SOX5: variants seen among roughly 807,000 people sequenced by gnomAD.
SOX5 encodes the protein transcription factor SOX-5.
In SOX5, 9 loss-of-function variants were observed where a neutral mutation model predicts 92.0. That is an observed-to-expected ratio of 0.10 (90% CI 0.06 to 0.17). The LOEUF (loss-of-function observed/expected upper bound fraction) is 0.17, where lower values mean the gene tolerates loss of function less well. Among genes scored for constraint, SOX5 ranks in the 10% least tolerant of loss-of-function variants. The pLI is 1.00. For missense variants in SOX5, 642 were observed against 944.5 expected (o/e 0.68, Z 4.20); for synonymous variants, 344 against 336.3 (o/e 1.02, Z -0.25).
intron 3 of SOX5, among the ~76,000 whole-genome samples, chr12:23,837,245 A>T (rs1400620886): frequency 1.3e-5 from 1 of 77,996 alleles, no homozygotes; most frequent in Non-Finnish European, 3.1e-5. Context: ...TTTATATAAT[A>T]TATATTTATA....
intron 2 of SOX5, among the ~76,000 whole-genome samples, chr12:24,310,548 A>G (rs1445170017): frequency 2.0e-5 from 3 of 152,208 alleles, no homozygotes; most frequent in African/African-American, 7.2e-5. Flanking sequence ...TTTATACATG[A>G]GCCCATCCTA....
chr12:23,874,425 T>C (rs1227043524), intron 2 of SOX5, among the ~76,000 whole-genome samples: 1 of 152,184 alleles, frequency 6.6e-6, no homozygotes, highest in Non-Finnish European at 1.5e-5. Context: ...TTGGTGCTCT[T>C]AGAAATCTCT....
intron 4 of SOX5, among the ~76,000 whole-genome samples, chr12:24,177,802 T>C (rs1954991310): frequency 8.2e-6 from 1 of 121,472 alleles, no homozygotes; most frequent in Non-Finnish European, 1.8e-5. Context: ...TTAATAACAC[T>C]CACAGGGTCA....
chr12:24,144,315 C>G (rs1950864952), intron 4 of SOX5, among the ~76,000 whole-genome samples: 2 of 152,062 alleles, frequency 1.3e-5, no homozygotes, highest in African/African-American at 4.8e-5. Context: ...GTCCTTTAAG[C>G]AGAAGATAAT....
chr12:23,690,146 T>C (rs576469912), intron 6 of SOX5, among the ~76,000 whole-genome samples: 3 of 152,308 alleles, frequency 2.0e-5, no homozygotes, highest in East Asian at 1.9e-4. Flanking sequence ...CCCTGAGTCC[T>C]TATTCATGCC....
intron 1 of SOX5, among the ~76,000 whole-genome samples, chr12:23,916,645 A>G (rs2097420423): frequency 6.6e-6 from 1 of 152,224 alleles, no homozygotes; most frequent in Admixed American, 6.5e-5. Flanking sequence ...TTATACTTCA[A>G]TGTTACCAAT....
intron 1 of SOX5, among the ~76,000 whole-genome samples, chr12:23,934,716 T>C (rs1942184637): frequency 6.6e-6 from 1 of 151,248 alleles, no homozygotes. Context: ...TTAACATCTG[T>C]TAAAGAATAA....
At chr12:23,952,742 A>G (rs1201727845), upstream of SOX5, among the ~76,000 whole-genome samples, 2 of 152,182 alleles carry the variant, frequency 1.3e-5, no homozygotes, top group Non-Finnish European at 2.9e-5. Context: ...CTCTAAGATC[A>G]TAAGGAATTT....
chr12:23,765,810 A>G (rs1400119021), intron 3 of SOX5, among the ~76,000 whole-genome samples: 2 of 152,090 alleles, frequency 1.3e-5, no homozygotes, highest in South Asian at 2.1e-4. Flanking sequence ...ACAGACACAA[A>G]TGATCAAGAG....
intron 3 of SOX5, among the ~76,000 whole-genome samples, chr12:23,799,483 T>C (rs1305234539): frequency 1.3e-5 from 2 of 152,028 alleles, no homozygotes; most frequent in African/African-American, 2.4e-5. Flanking sequence ...CTACCCATAG[T>C]GACTATAAAA....
At chr12:24,327,016 G>C (rs1045754253) in intron 2 of SOX5, among the ~76,000 whole-genome samples, 1 of 152,130 alleles carries the variant, frequency 6.6e-6, no homozygotes, top group Non-Finnish European at 1.5e-5. Context: ...CACAGTAGGT[G>C]CTCAATAAAT....
At chr12:24,538,010 C>T (rs1951789516) in intron 1 of SOX5, among the ~76,000 whole-genome samples, 1 of 152,284 alleles carries the variant, frequency 6.6e-6, no homozygotes, top group South Asian at 2.1e-4. Context: ...AGGAATACCA[C>T]CTTCTAAAAT....
intron 4 of SOX5, among the ~76,000 whole-genome samples, chr12:24,194,884 T>A (rs1042316867): frequency 6.6e-6 from 1 of 152,202 alleles, no homozygotes; most frequent in African/African-American, 2.4e-5. Context: ...ACCCAGAAAT[T>A]GGATTAATCA....
At chr12:23,950,858 G>T, upstream of SOX5, 1 of 1,535,102 alleles carries the variant, frequency 6.5e-7, no homozygotes, top group South Asian at 1.2e-5. Flanking sequence ...CACAGAGAGA[G>T]AGACACTTAC....
At chr12:24,524,702 T>G (rs1052620957) in intron 1 of SOX5, among the ~76,000 whole-genome samples, 1 of 152,096 alleles carries the variant, frequency 6.6e-6, no homozygotes, top group Non-Finnish European at 1.5e-5. Flanking sequence ...ATTAGAACTT[T>G]TGTACACTGT....
chr12:24,381,525 C>T (rs1957821996), intron 1 of SOX5, among the ~76,000 whole-genome samples: 1 of 152,172 alleles, frequency 6.6e-6, no homozygotes, highest in African/African-American at 2.4e-5. Flanking sequence ...CACGTATTCC[C>T]ACCTTATAGC....
chr12:24,559,677 C>T (rs1229538143), intron 1 of SOX5, among the ~76,000 whole-genome samples: 2 of 152,084 alleles, frequency 1.3e-5, no homozygotes, highest in Non-Finnish European at 1.5e-5. Context: ...CCTTATCACT[C>T]ATAACTCACC....
chr12:24,280,163 G>A (rs1944989572), intron 2 of SOX5, among the ~76,000 whole-genome samples: 1 of 152,232 alleles, frequency 6.6e-6, no homozygotes, highest in Admixed American at 6.5e-5. Flanking sequence ...CTTTAAAAAG[G>A]AAGGACAGAC....
At chr12:24,559,171 T>C (rs1954097504) in intron 1 of SOX5, among the ~76,000 whole-genome samples, 1 of 152,222 alleles carries the variant, frequency 6.6e-6, no homozygotes, top group Non-Finnish European at 1.5e-5. Context: ...GCCTTTAAAA[T>C]AAATCTTCAT....
Sources: allele counts gnomAD v4.1 joint callset (sites outside exome capture counted in the v4.1 genomes callset), GRCh38; gene constraint gnomAD v4.1.1; transcripts MANE v1.5; gene names NCBI Gene and HGNC (gene_info 2026-07-23, HGNC 2026-07-21).